ARMH3: variants seen among roughly 807,000 people sequenced by gnomAD.
ARMH3 encodes the protein armadillo-like helical domain-containing protein 3.
A neutral mutation model predicts 99.1 loss-of-function variants in ARMH3; 60 were observed. That is an observed-to-expected ratio of 0.61 (90% confidence interval 0.49 to 0.75). The LOEUF is 0.75. Among genes scored for constraint, ARMH3 ranks in the 30% least tolerant of loss-of-function variants. The pLI is 0.00. For synonymous variants in ARMH3, 285 were observed against 292.8 expected, an observed-to-expected ratio of 0.97 and a Z score of 0.27; for missense variants, 679 against 843.1, an observed-to-expected ratio of 0.81 and a Z score of 2.41.
At chr10:101,916,826 G>A (rs1373296701) in intron 23 of ARMH3, among the ~76,000 whole-genome samples, 1 of 152,152 alleles carries the variant, frequency 6.6e-6, no homozygotes, top group Admixed American at 6.6e-5. Context: ...AAAAGGCAGA[G>A]GAAGGGCAAA....
At chr10:101,873,347 G>C (rs2067179983) in intron 24 of ARMH3, among the ~76,000 whole-genome samples, 1 of 152,002 alleles carries the variant, frequency 6.6e-6, no homozygotes, top group African/African-American at 2.4e-5. Flanking sequence ...AGGAGGCAGA[G>C]GTTGCAGTGA....
intron 1 of ARMH3, among the ~76,000 whole-genome samples, chr10:102,049,159 C>G (rs1346795774): frequency 6.6e-6 from 1 of 152,176 alleles, no homozygotes; most frequent in East Asian, 1.9e-4. Context: ...CCACTTCCAT[C>G]CAAAAGACTG....
chr10:102,000,470 G>C (rs191721152), intron 15 of ARMH3, among the ~76,000 whole-genome samples: 1 of 151,838 alleles, frequency 6.6e-6, no homozygotes, highest in East Asian at 2.0e-4. Context: ...AGATGAAAAA[G>C]TTCTGAGGCC....
At chr10:102,023,433 A>C (rs2066931949) in intron 8 of ARMH3, 44 bp downstream of exon 8, 1 of 1,535,490 alleles carries the variant, frequency 6.5e-7, no homozygotes, top group Admixed American at 1.9e-5. Context: ...GCATTTAAGA[A>C]GATTATAGGC....
At chr10:102,029,366 A>T in intron 5 of ARMH3, 2 of 1,216,694 alleles carry the variant, frequency 1.6e-6, no homozygotes, top group Non-Finnish European at 2.2e-6. Flanking sequence ...AAATGTTCTT[A>T]AGAATGTATG....
In ARMH3 at chr10:102,040,169, T is replaced by C. The variant is rs1351985967; in HGVS notation, c.-11-44A>G. 5.5e-6 allele frequency: 8 copies of C among 1,460,338 alleles called. No homozygotes were observed. The East Asian group carries it at 6.8e-5, about 12-fold the overall frequency. The allele number at this position is 1,460,338 out of a possible 1,614,324, so 90.5% of individuals were successfully genotyped here. A position where few individuals can be genotyped will look rare whatever the true frequency, so the allele number is the denominator to read the frequency against. ...ATTTTAGAATAGTGAAAATACTCAG[T>C]ATGATACTATAATGGCAGATATATG... On this transcript the variant is annotated intron_variant, in intron 1 of 25. Coordinates refer to ENST00000370033, the MANE Select transcript of ARMH3 (RefSeq NM_024541.3).
At position 101,975,231 on chromosome 10, in the gene ARMH3, G is replaced by A. The variant is rs755400376; in HGVS notation, c.1476C>T (p.Thr492=). 1.2e-6 allele frequency: 2 copies of A among 1,612,216 alleles called. No homozygotes were observed. Among genetic ancestry groups the A allele is most frequent in the Non-Finnish European group, 1.7e-6 (2 of 1,178,822 alleles). The change falls in exon 20 of 26, where the codon ACC becomes ACT. Residue 492 remains threonine (T), a synonymous_variant. Transcript: ENST00000370033. ...QKKCRVRLHY[T]WRELWSALIN... ...AGTTACCTGACCAGAGCTCCCGCCA[G>A]GTGTAATGCAGGCGTACCCGACACT...
At chr10:101,854,718 T>C (rs1160047978) in intron 24 of ARMH3, among the ~76,000 whole-genome samples, 1 of 152,126 alleles carries the variant, frequency 6.6e-6, no homozygotes, top group Non-Finnish European at 1.5e-5. Context: ...AGACCTAAGT[T>C]TTAGTTCCCA....
At chr10:101,916,799 GC>G (rs1843105840) in intron 23 of ARMH3, among the ~76,000 whole-genome samples, 1 of 152,164 alleles carries the variant, frequency 6.6e-6, no homozygotes. Flanking sequence ...TCTGTTGAAA[GC>G]CCACCTGAAT....
chr10:101,941,207 G>A (rs1844225869), intron 22 of ARMH3, among the ~76,000 whole-genome samples: 1 of 152,156 alleles, frequency 6.6e-6, no homozygotes, highest in South Asian at 2.1e-4. Flanking sequence ...TGAAGCCAAT[G>A]GTCAGGGTCC....
chr10:101,864,080 CA>C (rs960554841), intron 24 of ARMH3, among the ~76,000 whole-genome samples: 11 of 113,510 alleles, frequency 9.7e-5, no homozygotes, highest in Non-Finnish European at 9.2e-5. Context: ...AAAAAAAAAA[CA>C]CACACACACA....
intron 24 of ARMH3, among the ~76,000 whole-genome samples, chr10:101,867,878 G>A (rs535272163): frequency 4.6e-5 from 7 of 151,404 alleles, no homozygotes; most frequent in Non-Finnish European, 1.0e-4. Context: ...GTGTCTAATG[G>A]CTATAATCTC....
At chr10:101,893,122 G>T (rs2067732777) in intron 23 of ARMH3, among the ~76,000 whole-genome samples, 1 of 152,162 alleles carries the variant, frequency 6.6e-6, no homozygotes, top group Admixed American at 6.5e-5. Flanking sequence ...GGTAGGTGAA[G>T]CAAGTTTAGA....
chr10:101,890,517 T>C (rs967631388), intron 23 of ARMH3, among the ~76,000 whole-genome samples: 3 of 152,192 alleles, frequency 2.0e-5, no homozygotes, highest in Non-Finnish European at 2.9e-5. Context: ...GCTGGGATTA[T>C]AGACATGAGC....
intron 24 of ARMH3, among the ~76,000 whole-genome samples, chr10:101,876,266 A>C (rs911792581): frequency 6.6e-5 from 10 of 151,602 alleles, no homozygotes; most frequent in African/African-American, 1.7e-4. Flanking sequence ...AAAAAAAAAA[A>C]AACAACTTAT....
chr10:102,022,302 T>C lies in ARMH3; in HGVS notation c.669+1175A>G, dbSNP rs186944756. 2.1e-3 allele frequency among the ~76,000 whole-genome samples: 322 copies of C among 150,942 alleles called. 2 individuals are homozygous for C. The highest frequency in any genetic ancestry group is 6.8e-3 in the African/African-American group (281 of 41,128). ...ATCCTGGGCTAATCATCATACTCAA[T>C]AGGGGAACTTCAAAAAAAAACAACT... On this transcript the variant is annotated intron_variant, in intron 8 of 25. Transcript: ENST00000370033.
intron 19 of ARMH3, among the ~76,000 whole-genome samples, chr10:101,981,188 G>GA (rs1366345785): frequency 9.4e-5 from 14 of 148,400 alleles, no homozygotes; most frequent in East Asian, 7.8e-4. Flanking sequence ...AAGAAATAAT[G>GA]AAAAAAAAAG....
In ARMH3 at chr10:101,847,566, G is replaced by A. The variant is rs1268764553; in HGVS notation, c.2032C>T (p.Gln678Ter). ...RRNLAFHTLS[Q>*]EVLLKEFSTI... ...GAGAACTCCTTGAGCAGGACTTCTTGGCTGAGTGTGTGGAAGGCCAGGTTT... is the reference window on the plus strand; with the variant it reads ...GAGAACTCCTTGAGCAGGACTTCTTAGCTGAGTGTGTGGAAGGCCAGGTTT... The change falls in exon 26 of 26, where the codon CAA (glutamine) becomes TAA (stop). Residue 678 changes from glutamine to a stop codon, truncating the protein, a stop_gained. Coordinates refer to ENST00000370033, the MANE Select transcript of ARMH3 (RefSeq NM_024541.3). LOFTEE classifies it high-confidence loss of function. 1 of 1,614,170 alleles carries A rather than the reference G, an allele frequency of 6.2e-7. No individual in the cohort carries two copies. The highest frequency in any genetic ancestry group is 1.7e-5 in the Admixed American group (1 of 60,028).
rs2067738961 is a variant in ARMH3, at chr10:101,893,344, T to C, written c.1782-3854A>G. On this transcript the variant is annotated intron_variant, in intron 23 of 25. Coordinates refer to ENST00000370033, the MANE Select transcript of ARMH3 (RefSeq NM_024541.3). ...ACATTTTATGCTTTTTTAGGTTTTG[T>C]TTTTTGTTTTTTTAAATCAGGCTTT... is the stretch of plus-strand genomic sequence containing the variant. 2.6e-5 allele frequency among the ~76,000 whole-genome samples: 4 copies of C among 152,266 alleles called. No individual in the cohort carries two copies. The South Asian group carries it at 6.2e-4, about 24-fold the overall frequency.
Sources: allele counts gnomAD v4.1 joint callset (sites outside exome capture counted in the v4.1 genomes callset), GRCh38; gene constraint gnomAD v4.1.1; transcripts MANE v1.5; gene names NCBI Gene and HGNC (gene_info 2026-07-23, HGNC 2026-07-21).